The following CFAP61 variants were observed in gnomAD, a reference collection of about 807,000 sequenced individuals.
The protein encoded by CFAP61 is cilia and flagella associated protein 61.
Under a neutral mutation model 135.6 loss-of-function variants are expected in CFAP61, and 107 were observed. That is an observed-to-expected ratio of 0.79 (90% CI 0.67 to 0.93). CFAP61 has a LOEUF of 0.93. CFAP61 is among the 40% of genes least tolerant of loss of function. The pLI, the probability that CFAP61 is intolerant of heterozygous loss-of-function variation, is 0.00. For synonymous variants in CFAP61, 575 were observed against 578.5 expected, an observed-to-expected ratio of 0.99 and a Z score of 0.09; for missense variants, 1,507 against 1,556.2, an observed-to-expected ratio of 0.97 and a Z score of 0.53.
intron 7 of CFAP61, chr20:20,095,726 C>T (rs1217603267): frequency 1.3e-5 from 2 of 152,252 alleles, no homozygotes; most frequent in African/African-American, 4.8e-5. Context: ...GAGTAGGCAC[C>T]ACTGACCTGC....
chr20:20,173,719 AT>A (rs2054395540), intron 13 of CFAP61, among the ~76,000 whole-genome samples: 1 of 152,190 alleles, frequency 6.6e-6, no homozygotes, highest in African/African-American at 2.4e-5. Context: ...TTCAAGTAGA[AT>A]TTTTAAAAAT....
rs1479913106 is a variant in CFAP61 at position 20,052,580 on chromosome 20, G to A, written c.-48G>A. On this transcript the variant is annotated 5_prime_UTR_variant, in exon 1 of 27. Coordinates refer to ENST00000245957, the MANE Select transcript of CFAP61 (RefSeq NM_015585.4). ...AGCGCGTGGAGTGCGGCGTCCTGGA[G>A]CTGCGGATGAGGTGGGTAACGCCGT... is the stretch of plus-strand genomic sequence containing the variant. 6.2e-7 allele frequency: 1 copy of A among 1,613,772 alleles called. No individual in the cohort carries two copies. Among genetic ancestry groups the A allele is most frequent in the African/African-American group, 1.3e-5 (1 of 74,960 alleles).
intron 26 of CFAP61, among the ~76,000 whole-genome samples, chr20:20,342,514 C>A (rs578111221): frequency 1.3e-5 from 2 of 152,352 alleles, no homozygotes; most frequent in South Asian, 4.1e-4. Context: ...ATGAGAATCT[C>A]TAGCAGAACT....
At chr20:20,138,183 C>T (rs920141657) in intron 8 of CFAP61, among the ~76,000 whole-genome samples, 2 of 152,174 alleles carry the variant, frequency 1.3e-5, no homozygotes, top group African/African-American at 2.4e-5. Context: ...AGGAAGGAGT[C>T]GGAGTCTCTT....
chr20:20,117,660 C>T (rs2049253055), intron 8 of CFAP61, among the ~76,000 whole-genome samples: 1 of 152,096 alleles, frequency 6.6e-6, no homozygotes, highest in Non-Finnish European at 1.5e-5. Flanking sequence ...TTCTTTGAAT[C>T]TATAAATTGC....
intron 8 of CFAP61, among the ~76,000 whole-genome samples, chr20:20,128,061 C>A (rs998149591): frequency 6.6e-6 from 1 of 151,714 alleles, no homozygotes; most frequent in African/African-American, 2.4e-5. Flanking sequence ...TAGTCTGTTT[C>A]CATGTGATGG....
intron 17 of CFAP61, among the ~76,000 whole-genome samples, chr20:20,219,711 A>G (rs977497101): frequency 2.0e-5 from 3 of 152,226 alleles, no homozygotes; most frequent in Admixed American, 6.5e-5. Flanking sequence ...AATTTACCAC[A>G]GATTAGTTCA....
chr20:20,089,384 C>A (rs1220507062), intron 6 of CFAP61, among the ~76,000 whole-genome samples: 1 of 147,870 alleles, frequency 6.8e-6, no homozygotes, highest in African/African-American at 2.6e-5. Context: ...AAGCCCTGAG[C>A]TTTATATATA....
chr20:20,219,168 C>T (rs549379134), intron 17 of CFAP61, among the ~76,000 whole-genome samples: 10 of 152,234 alleles, frequency 6.6e-5, no homozygotes, highest in African/African-American at 1.4e-4. Flanking sequence ...TTTTTACTGC[C>T]GATAAAACTT....
intron 25 of CFAP61, among the ~76,000 whole-genome samples, chr20:20,329,087 T>G (rs1193849941): frequency 6.6e-6 from 1 of 152,204 alleles, no homozygotes; most frequent in Non-Finnish European, 1.5e-5. Context: ...CCTGTGTTCC[T>G]TGTCATTTCT....
chr20:20,212,412 C>G (rs958430908), intron 17 of CFAP61, among the ~76,000 whole-genome samples: 11 of 152,184 alleles, frequency 7.2e-5, no homozygotes, highest in African/African-American at 2.7e-4. Context: ...ACTTCCAATT[C>G]CAAGCACGTC....
intron 25 of CFAP61, chr20:20,323,210 C>T (rs2057602243): frequency 1.0e-6 from 1 of 985,256 alleles, no homozygotes; most frequent in African/African-American, 1.7e-5. Context: ...AAACGGATCT[C>T]ATTCAGCATG....
chr20:20,093,076 T>C lies in CFAP61; in HGVS notation c.699+2100T>C, dbSNP rs2047321194. On this transcript the variant is annotated intron_variant, in intron 7 of 26. Transcript: ENST00000245957. ...GGAGACAGCCCAAATGTCTATCTAC[T>C]GATGAATAGATAAACAAGATGTGGT... Among the ~76,000 whole-genome samples the C allele has an allele frequency of 3.3e-5, 5 of 152,330 alleles. No individual in the cohort carries two copies. The South Asian group carries it at 1.0e-3, about 32-fold the overall frequency.
At chr20:20,138,057 G>A (rs1319747092) in intron 8 of CFAP61, among the ~76,000 whole-genome samples, 2 of 152,250 alleles carry the variant, frequency 1.3e-5, no homozygotes, top group East Asian at 3.9e-4. Context: ...CCAGGAGCCA[G>A]GGCCTGGAAT....
At chr20:20,328,180 G>C (rs6106235) in intron 25 of CFAP61, among the ~76,000 whole-genome samples, 28,690 of 152,156 alleles carry the variant, frequency 0.19, 3,434 homozygotes, top group African/African-American at 0.32. Context: ...ATCATGTGGA[G>C]GTTTGGACTT....
intron 8 of CFAP61, among the ~76,000 whole-genome samples, chr20:20,131,341 C>CTTAT (rs1204205020): frequency 2.2e-4 from 6 of 27,074 alleles, no homozygotes; most frequent in Non-Finnish European, 2.6e-4. Flanking sequence ...TTGTTATATA[C>CTTAT]CTATTTGTTA....
intron 6 of CFAP61, among the ~76,000 whole-genome samples, chr20:20,078,178 A>G (rs2046189911): frequency 6.6e-6 from 1 of 152,246 alleles, no homozygotes; most frequent in Non-Finnish European, 1.5e-5. Flanking sequence ...ATGTTCCTAA[A>G]TTCCAAAGGG....
At chr20:20,077,402 A>G (rs1311215272) in intron 6 of CFAP61, among the ~76,000 whole-genome samples, 1 of 152,226 alleles carries the variant, frequency 6.6e-6, no homozygotes, top group Non-Finnish European at 1.5e-5. Context: ...AGATAGAGAT[A>G]GAAACCAAGA....
chr20:20,344,639 C>T (rs1452518687), intron 26 of CFAP61, among the ~76,000 whole-genome samples: 1 of 152,164 alleles, frequency 6.6e-6, no homozygotes, highest in Non-Finnish European at 1.5e-5. Flanking sequence ...GGAACCCTCA[C>T]ATACTGTTGG....
Sources: gnomAD v4.1 joint callset for allele counts (sites outside exome capture counted in the v4.1 genomes callset) on GRCh38, gnomAD v4.1.1 for gene constraint, MANE v1.5 for transcripts, NCBI Gene and HGNC (gene_info 2026-07-23, HGNC 2026-07-21) for gene names.